Variants in CNTNAP5 observed in about 807,000 individuals in gnomAD.
CNTNAP5 encodes contactin associated protein family member 5, also known as contactin-associated protein-like 5.
A neutral mutation model predicts 150.2 loss-of-function variants in CNTNAP5; 72 were observed. The observed-to-expected ratio is 0.48, with a 90% CI of 0.40 to 0.58. CNTNAP5 has a LOEUF of 0.58. CNTNAP5 is among the 20% of genes least tolerant of loss of function. CNTNAP5 has a pLI of 0.00. For missense variants in CNTNAP5, 1,636 were observed against 1,626.2 expected (o/e 1.01, Z -0.10); for synonymous variants, 672 against 619.8 (o/e 1.08, Z -1.25).
intron 21 of CNTNAP5, among the ~76,000 whole-genome samples, chr2:124,890,221 T>A (rs1465005338): frequency 6.6e-6 from 1 of 152,060 alleles, no homozygotes; most frequent in Non-Finnish European, 1.5e-5. Flanking sequence ...CACTTGAAAT[T>A]TTGCTAAAAT....
At chr2:124,706,746 CAAGAAGAAG>C (rs747166844) in intron 13 of CNTNAP5, among the ~76,000 whole-genome samples, 805 of 52,142 alleles carry the variant, frequency 0.015, 21 homozygotes, top group Middle Eastern at 0.029. Context: ...GACTCTGTTT[CAAGAAGAAG>C]AAGAAGAAGA....
intron 1 of CNTNAP5, among the ~76,000 whole-genome samples, chr2:124,065,226 T>A (rs972610568): frequency 6.6e-6 from 1 of 152,138 alleles, no homozygotes; most frequent in Non-Finnish European, 1.5e-5. Context: ...CAGCAGTTAC[T>A]GAATGTTCTG....
At chr2:124,167,828 A>G (rs1684841838) in intron 1 of CNTNAP5, among the ~76,000 whole-genome samples, 1 of 152,198 alleles carries the variant, frequency 6.6e-6, no homozygotes, top group Non-Finnish European at 1.5e-5. Flanking sequence ...AATCTGTTGA[A>G]GAAAGACAAG....
chr2:124,643,723 C>G (rs971143435), intron 12 of CNTNAP5, among the ~76,000 whole-genome samples: 1 of 152,162 alleles, frequency 6.6e-6, no homozygotes, highest in Non-Finnish European at 1.5e-5. Context: ...CATTATGATA[C>G]TTCTATGGAT....
chr2:124,493,963 A>ATAC (rs199807584), intron 7 of CNTNAP5, among the ~76,000 whole-genome samples: 2,945 of 56,820 alleles, frequency 0.052, 54 homozygotes, highest in South Asian at 0.14. Context: ...GAAAACCATA[A>ATAC]ATACACACAC....
At chr2:124,305,366 C>T (rs1354962475) in intron 3 of CNTNAP5, among the ~76,000 whole-genome samples, 1 of 152,014 alleles carries the variant, frequency 6.6e-6, no homozygotes, top group Non-Finnish European at 1.5e-5. Flanking sequence ...GCTGGTAATG[C>T]ACATAAGCGA....
At chr2:124,251,761 T>C (rs1215196436) in intron 3 of CNTNAP5, among the ~76,000 whole-genome samples, 1 of 152,168 alleles carries the variant, frequency 6.6e-6, no homozygotes, top group Non-Finnish European at 1.5e-5. Context: ...AGTGCTATGA[T>C]TTTTTTCTCC....
chr2:124,770,639 A>G (rs1367421114), intron 16 of CNTNAP5, among the ~76,000 whole-genome samples: 2 of 152,190 alleles, frequency 1.3e-5, no homozygotes, highest in East Asian at 3.9e-4. Context: ...AATAAGAAAC[A>G]GAGAAAGACT....
At chr2:124,908,067 C>T (rs1484685225) in intron 22 of CNTNAP5, among the ~76,000 whole-genome samples, 2 of 151,480 alleles carry the variant, frequency 1.3e-5, no homozygotes, top group East Asian at 2.0e-4. Flanking sequence ...CATTGTAAGT[C>T]GGAGTAAGAA....
intron 1 of CNTNAP5, among the ~76,000 whole-genome samples, chr2:124,220,146 A>T (rs549521963): frequency 6.2e-5 from 9 of 145,032 alleles, no homozygotes; most frequent in Middle Eastern, 3.5e-3. Context: ...AATGTTCTTT[A>T]AAAAAAAAAA....
At chr2:124,203,095 G>T (rs1007648708) in intron 1 of CNTNAP5, among the ~76,000 whole-genome samples, 9 of 152,096 alleles carry the variant, frequency 5.9e-5, no homozygotes, top group Non-Finnish European at 1.2e-4. Flanking sequence ...TTACTTCCTA[G>T]ATACAAGGGG....
chr2:124,461,731 C>T (rs1209365354), intron 6 of CNTNAP5, among the ~76,000 whole-genome samples: 1 of 151,250 alleles, frequency 6.6e-6, no homozygotes, highest in African/African-American at 2.4e-5. Flanking sequence ...GTGATGCATG[C>T]CTGTAATCCC....
intron 21 of CNTNAP5, among the ~76,000 whole-genome samples, chr2:124,877,902 C>G (rs915227881): frequency 6.6e-6 from 1 of 151,968 alleles, no homozygotes; most frequent in Non-Finnish European, 1.5e-5. Flanking sequence ...TAAACTCGTT[C>G]CTTATGCTAA....
chr2:124,546,527 C>T (rs540579377), intron 10 of CNTNAP5, among the ~76,000 whole-genome samples: 6 of 152,218 alleles, frequency 3.9e-5, no homozygotes, highest in Non-Finnish European at 7.4e-5. Context: ...GAAATGCGGC[C>T]CTAGAGTGAA....
At chr2:124,419,136 T>G (rs868113136) in intron 4 of CNTNAP5, among the ~76,000 whole-genome samples, 231 of 1,288 alleles carry the variant, frequency 0.18, 1 homozygote, top group Admixed American at 0.22. Flanking sequence ...GCGAGACTCC[T>G]TCTCAAAAAA....
rs182983610 is a variant in CNTNAP5, at chr2:124,709,232, C to T, written c.2078-37997C>T. The stretch of plus-strand genomic sequence containing the variant: ...GGGAGGGAGGGTGTGTGTGTGTGTG[C>T]GTGTGTGTGTGTGTGTGTGTGTGTG... On this transcript the variant is annotated intron_variant, in intron 13 of 23. Coordinates refer to ENST00000682447, the MANE Select transcript of CNTNAP5 (RefSeq NM_001367498.1). Among the ~76,000 whole-genome samples the T allele has an allele frequency of 4.4e-3, 617 of 138,820 alleles. 4 individuals carry two copies. The highest frequency in any genetic ancestry group is 0.015 in the African/African-American group (570 of 38,344). 91.1% of individuals were successfully genotyped at this position (138,820 alleles called of 152,430 possible).
chr2:124,721,170 C>G (rs1224062731), intron 13 of CNTNAP5, among the ~76,000 whole-genome samples: 1 of 152,102 alleles, frequency 6.6e-6, no homozygotes, highest in Non-Finnish European at 1.5e-5. Flanking sequence ...CAGATTTGCA[C>G]CTTGTTTATT....
At chr2:124,581,070 C>T (rs969061263) in intron 11 of CNTNAP5, among the ~76,000 whole-genome samples, 2 of 152,080 alleles carry the variant, frequency 1.3e-5, no homozygotes, top group African/African-American at 2.4e-5. Flanking sequence ...GAGCACAGAT[C>T]GTGGGCTTGG....
intron 8 of CNTNAP5, among the ~76,000 whole-genome samples, chr2:124,510,549 A>C (rs993935543): frequency 1.4e-5 from 2 of 147,234 alleles, no homozygotes. Flanking sequence ...ACACACACAC[A>C]CCAACATTCA....
Sources: gnomAD v4.1 joint callset for allele counts (sites outside exome capture counted in the v4.1 genomes callset) on GRCh38, gnomAD v4.1.1 for gene constraint, MANE v1.5 for transcripts, NCBI Gene and HGNC (gene_info 2026-07-23, HGNC 2026-07-21) for gene names.